The following MEI4 variants were observed in gnomAD, a reference collection of about 807,000 sequenced individuals.
MEI4 encodes the protein meiotic double-stranded break formation protein 4, also known as meiosis-specific protein MEI4.
In MEI4, 27 loss-of-function variants were observed where a neutral mutation model predicts 31.4. The ratio of observed to expected loss-of-function variants is 0.86; its 90% CI spans 0.63 to 1.19. MEI4 has a LOEUF of 1.19. MEI4 is among the 50% of genes most tolerant of loss of function. The probability of loss-of-function intolerance (pLI) is 0.00; values close to 1 mark genes in which losing one functional copy is unlikely to be tolerated. For synonymous variants in MEI4, 122 were observed against 145.4 expected (o/e 0.84, Z 1.16); for missense variants, 329 against 398.9 (o/e 0.82, Z 1.49).
chr6:77,674,455 A>T (rs1000865477), intron 1 of MEI4, among the ~76,000 whole-genome samples: 16 of 147,220 alleles, frequency 1.1e-4, no homozygotes, highest in African/African-American at 4.1e-4. Flanking sequence ...TACTTTTTCT[A>T]TGTTTATGTA....
At chr6:77,749,426 G>A (rs890886134) in intron 2 of MEI4, among the ~76,000 whole-genome samples, 1 of 152,118 alleles carries the variant, frequency 6.6e-6, no homozygotes, top group African/African-American at 2.4e-5. Context: ...GAACATAAAT[G>A]ACCTGATGGA....
intron 4 of MEI4, among the ~76,000 whole-genome samples, chr6:77,882,640 G>A (rs949375294): frequency 6.6e-6 from 1 of 152,096 alleles, no homozygotes. Flanking sequence ...GAGTTGAGAG[G>A]TATCAGTGAC....
At chr6:77,874,762 T>G (rs1406769507) in intron 4 of MEI4, among the ~76,000 whole-genome samples, 2 of 152,150 alleles carry the variant, frequency 1.3e-5, no homozygotes, top group Non-Finnish European at 2.9e-5. Flanking sequence ...TAGCTCTTAT[T>G]ATTTTGAGAT....
At chr6:77,794,376 A>G (rs553501344) in intron 3 of MEI4, among the ~76,000 whole-genome samples, 2 of 152,290 alleles carry the variant, frequency 1.3e-5, no homozygotes, top group East Asian at 3.9e-4. Flanking sequence ...ATCCTGGCTA[A>G]CACGGTGAAA....
intron 3 of MEI4, among the ~76,000 whole-genome samples, chr6:77,788,103 C>T (rs893093485): frequency 5.3e-5 from 8 of 152,102 alleles, no homozygotes; most frequent in Admixed American, 4.6e-4. Context: ...TCAACATATG[C>T]AAATCAATAA....
chr6:77,676,370 A>C (rs1019360343), intron 1 of MEI4, among the ~76,000 whole-genome samples: 6 of 151,716 alleles, frequency 4.0e-5, no homozygotes, highest in African/African-American at 1.5e-4. Context: ...ACAACAAATA[A>C]AAAAAAATTA....
intron 3 of MEI4, among the ~76,000 whole-genome samples, chr6:77,773,460 C>T (rs2127687326): frequency 6.6e-6 from 1 of 152,052 alleles, no homozygotes; most frequent in South Asian, 2.1e-4. Flanking sequence ...GTGAATGGTA[C>T]TGGGAAAGCT....
chr6:77,857,117 G>T (rs1227539106), intron 4 of MEI4, among the ~76,000 whole-genome samples: 3 of 151,836 alleles, frequency 2.0e-5, no homozygotes, highest in East Asian at 3.9e-4. Flanking sequence ...TTTAGAGAGG[G>T]TTTAGAATGA....
chr6:77,740,805 T>C (rs1034999792), intron 2 of MEI4, among the ~76,000 whole-genome samples: 3 of 151,750 alleles, frequency 2.0e-5, no homozygotes, highest in Admixed American at 6.6e-5. Flanking sequence ...GTTGAACATA[T>C]ATATTTTGAA....
At chr6:77,910,925 G>GTTTT (rs58959367) in intron 4 of MEI4, among the ~76,000 whole-genome samples, 1 of 120,578 alleles carries the variant, frequency 8.3e-6, no homozygotes. Flanking sequence ...CCAGCTTCTG[G>GTTTT]TTTTTTTTTT....
At chr6:77,796,564 C>G (rs944312933) in intron 3 of MEI4, among the ~76,000 whole-genome samples, 1 of 152,100 alleles carries the variant, frequency 6.6e-6, no homozygotes, top group Non-Finnish European at 1.5e-5. Flanking sequence ...CTTCTATACA[C>G]TAACAACAAA....
In MEI4 at chr6:77,785,740, G is replaced by C. The variant is rs531503702; in HGVS notation, c.768+24075G>C. ...TAGAGATTTCAGTTTGCTTTTCTTC[G>C]TTAGAGAGCTTTTGGCCCCAGGCTC... On this transcript the variant is annotated intron_variant, in intron 3 of 4. Coordinates refer to ENST00000684080, the MANE Select transcript of MEI4 (RefSeq NM_001322247.2). Among the ~76,000 whole-genome samples the C allele has an allele frequency of 1.2e-3, 184 of 152,144 alleles. 1 individual carries two copies. Among genetic ancestry groups the C allele is most frequent in the South Asian group, 2.5e-3 (12 of 4,814 alleles).
At chr6:77,740,218 G>C (rs2127672336) in intron 2 of MEI4, among the ~76,000 whole-genome samples, 1 of 152,238 alleles carries the variant, frequency 6.6e-6, no homozygotes, top group Non-Finnish European at 1.5e-5. Context: ...TTTTATGTTT[G>C]ATTATGTGAT....
At chr6:77,866,825 C>A (rs1313592691) in intron 4 of MEI4, among the ~76,000 whole-genome samples, 3 of 152,188 alleles carry the variant, frequency 2.0e-5, no homozygotes, top group Non-Finnish European at 2.9e-5. Flanking sequence ...CAAACTTATA[C>A]TACAAGGTTA....
intron 2 of MEI4, among the ~76,000 whole-genome samples, chr6:77,759,604 A>T (rs1767999450): frequency 6.6e-6 from 1 of 152,200 alleles, no homozygotes; most frequent in African/African-American, 2.4e-5. Context: ...AGTCAGAACC[A>T]TGGAATGCAT....
At chr6:77,743,380 G>A (rs1365603466) in intron 2 of MEI4, among the ~76,000 whole-genome samples, 1 of 152,050 alleles carries the variant, frequency 6.6e-6, no homozygotes, top group Non-Finnish European at 1.5e-5. Flanking sequence ...TCTCTTTGAA[G>A]CAATTGTGAA....
chr6:77,863,388 A>G (rs1198752993), intron 4 of MEI4, among the ~76,000 whole-genome samples: 4 of 46,586 alleles, frequency 8.6e-5, no homozygotes, highest in Non-Finnish European at 1.4e-4. Context: ...GAAGTCCTTA[A>G]AGGACCGATG....
At chr6:77,845,079 A>G (rs755181956) in intron 4 of MEI4, among the ~76,000 whole-genome samples, 1 of 152,004 alleles carries the variant, frequency 6.6e-6, no homozygotes, top group African/African-American at 2.4e-5. Context: ...TAGCTTGCCT[A>G]CTGGTGGTGA....
intron 3 of MEI4, among the ~76,000 whole-genome samples, chr6:77,800,421 T>C (rs572546031): frequency 1.5e-4 from 23 of 152,350 alleles, no homozygotes; most frequent in Non-Finnish European, 1.5e-4. Flanking sequence ...TTTCTAGATA[T>C]ACAATCAAGT....
Sources: gnomAD v4.1 joint callset for allele counts (sites outside exome capture counted in the v4.1 genomes callset) on GRCh38, gnomAD v4.1.1 for gene constraint, MANE v1.5 for transcripts, NCBI Gene and HGNC (gene_info 2026-07-23, HGNC 2026-07-21) for gene names.